RARS1: variants seen among roughly 807,000 people sequenced by gnomAD.
RARS1 encodes arginyl-tRNA synthetase 1, also known as arginine--tRNA ligase, cytoplasmic.
In RARS1, 75 loss-of-function variants were observed where a neutral mutation model predicts 78.7. That is an observed-to-expected ratio of 0.95 (90% CI 0.79 to 1.15). The LOEUF (loss-of-function observed/expected upper bound fraction) is 1.15. Ranked by LOEUF, RARS1 falls within the 50% of genes most tolerant of loss-of-function variation. The pLI, the probability that RARS1 is intolerant of heterozygous loss-of-function variation, is 0.00. For missense variants in RARS1, 787 were observed against 787.5 expected, an observed-to-expected ratio of 1.00 and a Z score of 0.01; for synonymous variants, 273 against 268.2, an observed-to-expected ratio of 1.02 and a Z score of -0.18.
chr5:168,506,171 T>C lies in RARS1; in HGVS notation c.1208T>C (p.Met403Thr), dbSNP rs761905120. The C allele has an allele frequency of 2.0e-5, 31 of 1,580,146 alleles. No homozygotes were observed. The highest frequency in any genetic ancestry group is 5.8e-5 in the South Asian group (5 of 85,568). Residue 403 changes from methionine (M) to threonine (T), a missense_variant, in exon 10 of 15, where the codon ATG becomes ACG. Physicochemically the swap from Met to Thr is moderately conservative, Grantham distance 81. Coordinates refer to ENST00000231572, the MANE Select transcript of RARS1 (RefSeq NM_002887.4). ...AGACTATTTGAGGAAAAAGCAGATA[T>C]GATTATCTATGTTGTGGACAATGGA... ...KQRLFEEKAD[M>T]IIYVVDNGQS...
intron 6 of RARS1, among the ~76,000 whole-genome samples, chr5:168,496,422 A>C (rs1430909268): frequency 6.7e-6 from 1 of 150,024 alleles, no homozygotes; most frequent in Non-Finnish European, 1.5e-5. Context: ...ATCATAATCC[A>C]CTTGAAAGAT....
At chr5:168,486,614 T>C (rs1757969385) in intron 1 of RARS1, 71 bp downstream of exon 1, 1 of 1,510,130 alleles carries the variant, frequency 6.6e-7, no homozygotes, top group African/African-American at 1.4e-5. Flanking sequence ...CCCAAGCGGC[T>C]TCGGGGGCGG....
chr5:168,492,053 G>A (rs957415369), intron 2 of RARS1, among the ~76,000 whole-genome samples: 14 of 149,632 alleles, frequency 9.4e-5, no homozygotes, highest in Non-Finnish European at 1.2e-4. Context: ...TGTGCATCCA[G>A]CAGTCTAGTG....
intron 7 of RARS1, among the ~76,000 whole-genome samples, chr5:168,498,258 TA>T (rs901028478): frequency 1.3e-5 from 2 of 150,636 alleles, no homozygotes; most frequent in African/African-American, 2.4e-5. Context: ...TAAAAAAAAG[TA>T]AAAAAAAATG....
At chr5:168,496,392 A>C (rs936498929) in intron 6 of RARS1, among the ~76,000 whole-genome samples, 27 of 151,698 alleles carry the variant, frequency 1.8e-4, no homozygotes, top group Admixed American at 9.2e-4. Flanking sequence ...AAAAAAAAAA[A>C]AACAGTAAGT....
chr5:168,489,812 C>CTTTT (rs35560247), intron 2 of RARS1, among the ~76,000 whole-genome samples: 10 of 130,328 alleles, frequency 7.7e-5, no homozygotes, highest in African/African-American at 2.0e-4. Flanking sequence ...CTCATATTAT[C>CTTTT]TTTTTTTTTT....
intron 1 of RARS1, chr5:168,488,325 G>A (rs1017508091): frequency 3.9e-5 from 14 of 362,592 alleles, no homozygotes; most frequent in East Asian, 3.4e-4. Flanking sequence ...ACAGCGTTTC[G>A]CTATGTTTGC....
chr5:168,501,550 C>T (rs895876965), intron 8 of RARS1, among the ~76,000 whole-genome samples: 1 of 152,126 alleles, frequency 6.6e-6, no homozygotes, highest in African/African-American at 2.4e-5. Flanking sequence ...TGGTGAAACC[C>T]CATCTCTACT....
Position 168,516,803 on chromosome 5 carries a change from C to G in RARS1, c.1478C>G (p.Ala493Gly). The change falls in exon 13 of 15, where the codon GCT (alanine) becomes GGT (glycine). Residue 493 changes from alanine to glycine, a missense_variant. By Grantham distance (60) the Ala-to-Gly change is moderately conservative. Transcript: ENST00000231572. ...GTCTTAACTGCAGAGGAATTGAATG[C>G]TGCTCAGACATCCGTTGCGTATGGC... ...DKVLTAEELN[A>G]AQTSVAYGCI... 1 of 1,614,116 alleles carries G rather than the reference C, an allele frequency of 6.2e-7. No individual in the cohort carries two copies. The highest frequency in any genetic ancestry group is 8.5e-7 in the Non-Finnish European group (1 of 1,180,018).
chr5:168,491,034 G>A (rs1758071185), intron 2 of RARS1, among the ~76,000 whole-genome samples: 1 of 152,222 alleles, frequency 6.6e-6, no homozygotes, highest in African/African-American at 2.4e-5. Flanking sequence ...CTACTTGGGA[G>A]GCTGAGGCAT....
Position 168,500,575 on chromosome 5 carries a change from AT to A in RARS1, c.823-15del. 1 of 1,384,946 alleles carries A rather than the reference AT, an allele frequency of 7.2e-7. No individual in the cohort carries two copies. Among genetic ancestry groups the A allele is most frequent in the African/African-American group, 1.5e-5 (1 of 66,558 alleles). The allele number at this position is 1,384,946 out of a possible 1,614,324, so 85.8% of individuals were successfully genotyped here. A position where few individuals can be genotyped will look rare whatever the true frequency, so the allele number is the denominator to read the frequency against. ...CTTTTTACACACCTTACTTTTTAAA[AT>A]ATATATATATACAGGAATCTAAGAA... On this transcript the variant is annotated splice_polypyrimidine_tract_variant and intron_variant, in intron 7 of 14. Coordinates refer to ENST00000231572, the MANE Select transcript of RARS1 (RefSeq NM_002887.4).
intron 4 of RARS1, 108 bp downstream of exon 4, chr5:168,494,110 C>A: frequency 7.8e-7 from 1 of 1,283,940 alleles, no homozygotes; most frequent in Non-Finnish European, 1.1e-6. Flanking sequence ...GTATACTGAA[C>A]AAGATGGTGA....
chr5:168,519,054 A>C (rs1582445605), intron 14 of RARS1, 27 bp from the exon 15 acceptor site: 2 of 1,570,294 alleles, frequency 1.3e-6, no homozygotes, highest in East Asian at 4.5e-5. Flanking sequence ...AAACAAGTTA[A>C]TTAACAACTT....
rs1450621601 is a variant in RARS1 at position 168,495,394 on chromosome 5, G to C, written c.659G>C (p.Ser220Thr). Residue 220 changes from serine (S) to threonine (T), a missense_variant, in exon 6 of 15, where the codon AGT becomes ACT. Ser to Thr is a moderately conservative substitution (Grantham distance 58, BLOSUM62 1). Coordinates refer to ENST00000231572, the MANE Select transcript of RARS1 (RefSeq NM_002887.4). Reference sequence around the variant, plus strand: ...CTGAGGTCAACTATCATAGGAGAGAGTATAAGCCGCCTCTTTGAATTTGCA... The same window carrying C: ...CTGAGGTCAACTATCATAGGAGAGACTATAAGCCGCCTCTTTGAATTTGCA... ...GHLRSTIIGE[S>T]ISRLFEFAGY... 1.2e-6 allele frequency: 2 copies of C among 1,614,026 alleles called. No individual in the cohort carries two copies. The highest frequency in any genetic ancestry group is 2.7e-5 in the African/African-American group (2 of 75,050).
Position 168,486,478 on chromosome 5 carries a change from G to A in RARS1, c.-21G>A. On this transcript the variant is annotated 5_prime_UTR_variant, in exon 1 of 15. Transcript: ENST00000231572. ...CCGTTTCCGCTTCCGTCCACTTGGC[G>A]AGTGAGACGCTGATGGGAGGATGGA... is the stretch of plus-strand genomic sequence containing the variant. 6.4e-7 allele frequency: 1 copy of A among 1,555,404 alleles called. No homozygotes were observed. Among genetic ancestry groups the A allele is most frequent in the Non-Finnish European group, 8.7e-7 (1 of 1,148,538 alleles).
At chr5:168,499,451 T>G (rs1197623583) in intron 7 of RARS1, among the ~76,000 whole-genome samples, 1 of 152,234 alleles carries the variant, frequency 6.6e-6, no homozygotes, top group Middle Eastern at 3.2e-3. Flanking sequence ...GGCATTTTCT[T>G]TATGATGGAG....
At chr5:168,516,728 C>G in intron 12 of RARS1, 50 bp from the exon 13 acceptor site, 8 of 1,577,780 alleles carry the variant, frequency 5.1e-6, no homozygotes, top group Non-Finnish European at 6.9e-6. Flanking sequence ...GACACCAGGG[C>G]AGAAGCAGCA....
At chr5:168,492,992 G>T in intron 3 of RARS1, 145 bp downstream of exon 3, 1 of 767,696 alleles carries the variant, frequency 1.3e-6, no homozygotes, top group Non-Finnish European at 2.0e-6. Flanking sequence ...GAAAGGAGTT[G>T]GGGGGGTATA....
chr5:168,514,500 T>G (rs768146962), intron 12 of RARS1, among the ~76,000 whole-genome samples: 2 of 152,218 alleles, frequency 1.3e-5, no homozygotes, highest in Non-Finnish European at 2.9e-5. Flanking sequence ...GTTTTCTTAC[T>G]GTTTTCCTTT....
Sources: gnomAD v4.1 joint callset for allele counts (sites outside exome capture counted in the v4.1 genomes callset) on GRCh38, gnomAD v4.1.1 for gene constraint, MANE v1.5 for transcripts, NCBI Gene and HGNC (gene_info 2026-07-23, HGNC 2026-07-21) for gene names.